TTC7A: variants seen among roughly 807,000 people sequenced by gnomAD.
TTC7A encodes the protein tetratricopeptide repeat protein 7A.
In TTC7A, 110 loss-of-function variants were observed where a neutral mutation model predicts 103.7. That is an observed-to-expected ratio of 1.06 (90% CI 0.91 to 1.24). TTC7A has a LOEUF of 1.24. Ranked by LOEUF, TTC7A falls within the 50% of genes most tolerant of loss-of-function variation. TTC7A has a pLI of 0.00. For missense variants in TTC7A, 1,340 were observed against 1,116.3 expected, an observed-to-expected ratio of 1.20 and a Z score of -2.86; for synonymous variants, 521 against 467.9, an observed-to-expected ratio of 1.11 and a Z score of -1.47.
chr2:46,998,946 G>A (rs1403303156), intron 8 of TTC7A, among the ~76,000 whole-genome samples: 1 of 152,162 alleles, frequency 6.6e-6, no homozygotes, highest in South Asian at 2.1e-4. Flanking sequence ...ACTGGTTGAA[G>A]ATGATTTCTG....
At chr2:47,005,531 C>G (rs1163653147) in intron 8 of TTC7A, among the ~76,000 whole-genome samples, 1 of 152,170 alleles carries the variant, frequency 6.6e-6, no homozygotes, top group African/African-American at 2.4e-5. Flanking sequence ...GACATGGCAC[C>G]TGAATACAAG....
At chr2:47,051,283 C>A (rs1054726448) in intron 17 of TTC7A, among the ~76,000 whole-genome samples, 5 of 152,128 alleles carry the variant, frequency 3.3e-5, no homozygotes, top group African/African-American at 4.8e-5. Context: ...AAAATGTGGT[C>A]CTATTCTTTT....
chr2:46,948,213 G>A (rs891827801), intron 1 of TTC7A, among the ~76,000 whole-genome samples: 53 of 152,180 alleles, frequency 3.5e-4, no homozygotes, highest in African/African-American at 1.2e-3. Flanking sequence ...TGAGGGGTGT[G>A]TTTCCCTCTT....
At chr2:46,962,621 G>T (rs1305861317) in intron 3 of TTC7A, among the ~76,000 whole-genome samples, 1 of 152,234 alleles carries the variant, frequency 6.6e-6, no homozygotes, top group Non-Finnish European at 1.5e-5. Context: ...CAGAGTGGCT[G>T]GTCTGCTGCT....
intron 11 of TTC7A, among the ~76,000 whole-genome samples, chr2:47,019,504 G>T (rs1679049234): frequency 6.6e-6 from 1 of 152,172 alleles, no homozygotes. Flanking sequence ...AAACTACGTG[G>T]ACAATGCTGG....
At chr2:47,009,194 C>T (rs888627383) in intron 10 of TTC7A, among the ~76,000 whole-genome samples, 2 of 152,084 alleles carry the variant, frequency 1.3e-5, no homozygotes, top group Non-Finnish European at 2.9e-5. Flanking sequence ...GCCTTCAAGC[C>T]CCTCAGGCAC....
intron 19 of TTC7A, 116 bp from the exon 20 acceptor site, chr2:47,073,586 G>A (rs765343313): frequency 1.4e-4 from 121 of 857,608 alleles, no homozygotes; most frequent in South Asian, 8.6e-4. Context: ...CCAGAGACGC[G>A]GGAATCCTCT....
chr2:46,978,155 C>G (rs1297947589), intron 4 of TTC7A: 1 of 152,574 alleles, frequency 6.6e-6, no homozygotes, highest in African/African-American at 2.4e-5. Context: ...GAAGCGGTCT[C>G]TCTACCATGT....
rs150578101 is a variant in TTC7A at position 46,994,391 on chromosome 2, A to G, written c.878A>G (p.His293Arg). Residue 293 changes from histidine to arginine, a missense_variant, in exon 7 of 20, where the codon CAC becomes CGC. Physicochemically the swap from His to Arg is conservative, Grantham distance 29. Transcript: ENST00000319190. ...AAKHLAGVLL[H>R]SLSEECYWSP... ...AAGCACCTGGCGGGGGTCCTGCTGC[A>G]CTCCCTGAGTGAGGAGTGCTACTGG... is the stretch of plus-strand genomic sequence containing the variant. The G allele has an allele frequency of 3.3e-5, 53 of 1,613,350 alleles. No individual in the cohort carries two copies. The highest frequency in any genetic ancestry group is 1.6e-4 in the Middle Eastern group (1 of 6,074).
intron 3 of TTC7A, among the ~76,000 whole-genome samples, chr2:46,960,653 A>T (rs1672291262): frequency 6.6e-6 from 1 of 152,324 alleles, no homozygotes. Context: ...TTTAATAAAT[A>T]TTTGTTGACT....
At chr2:46,981,577 T>C (rs1334571115) in intron 5 of TTC7A, among the ~76,000 whole-genome samples, 2 of 152,178 alleles carry the variant, frequency 1.3e-5, no homozygotes, top group Admixed American at 1.3e-4. Context: ...AAACAATGGA[T>C]TGAAGACCTC....
At chr2:46,994,687 T>TG (rs1473929906) in intron 7 of TTC7A, among the ~76,000 whole-genome samples, 173 bp downstream of exon 7, 1 of 152,172 alleles carries the variant, frequency 6.6e-6, no homozygotes, top group Non-Finnish European at 1.5e-5. Flanking sequence ...AGGCAGGTGT[T>TG]GGGGTCCAGG....
intron 5 of TTC7A, among the ~76,000 whole-genome samples, chr2:46,979,777 G>A (rs1426640481): frequency 3.9e-5 from 6 of 152,228 alleles, no homozygotes; most frequent in Non-Finnish European, 7.3e-5. Context: ...GGCGGGAGCT[G>A]AGGTTTCCTG....
intron 12 of TTC7A, among the ~76,000 whole-genome samples, chr2:47,022,217 C>G (rs560815271): frequency 5.3e-5 from 8 of 152,286 alleles, no homozygotes; most frequent in Admixed American, 2.6e-4. Flanking sequence ...GCATGCCTTC[C>G]TCTCCCCTCT....
At chr2:46,989,318 T>G (rs1675362229) in intron 5 of TTC7A, among the ~76,000 whole-genome samples, 1 of 152,244 alleles carries the variant, frequency 6.6e-6, no homozygotes, top group Non-Finnish European at 1.5e-5. Flanking sequence ...TTGTTAAAAG[T>G]GGGCAGCTTT....
At chr2:46,987,020 C>G (rs578153193) in intron 5 of TTC7A, among the ~76,000 whole-genome samples, 1 of 152,318 alleles carries the variant, frequency 6.6e-6, no homozygotes, top group Admixed American at 6.5e-5. Flanking sequence ...GCTGATTCCC[C>G]CAGATGGCTC....
intron 19 of TTC7A, among the ~76,000 whole-genome samples, chr2:47,072,540 G>T (rs79724269): frequency 6.6e-6 from 1 of 152,248 alleles, no homozygotes; most frequent in African/African-American, 2.4e-5. Flanking sequence ...CTAACTCTGG[G>T]GAGCTCGCTG....
At position 47,007,266 on chromosome 2, in the gene TTC7A, C is replaced by A. The variant is rs1467053313; in HGVS notation, c.1287+542C>A. ...GGGGACAGGGCCTGGCGGGACGCTGCCCGGAGCAAGGAGCACCGGGCATGA... is the reference window on the plus strand; with the variant it reads ...GGGGACAGGGCCTGGCGGGACGCTGACCGGAGCAAGGAGCACCGGGCATGA... On this transcript the variant is annotated intron_variant, in intron 10 of 19. Transcript: ENST00000319190. The surrounding 1 kb of genome is among the most constrained non-coding windows in gnomAD (Gnocchi z 4.9). Among the ~76,000 whole-genome samples the A allele has an allele frequency of 6.6e-6, 1 of 151,902 alleles. No homozygotes were observed. The highest frequency in any genetic ancestry group is 1.5e-5 in the Non-Finnish European group (1 of 67,962).
intron 3 of TTC7A, among the ~76,000 whole-genome samples, chr2:46,966,371 T>C (rs1672847619): frequency 6.6e-6 from 1 of 152,248 alleles, no homozygotes; most frequent in Non-Finnish European, 1.5e-5. Context: ...TCTGTGAACA[T>C]TTTGAGGTAT....
Sources: gnomAD v4.1 joint callset for allele counts (sites outside exome capture counted in the v4.1 genomes callset) on GRCh38, gnomAD v4.1.1 for gene constraint, Gnocchi (gnomAD v3.1) non-coding constraint, MANE v1.5 for transcripts, NCBI Gene and HGNC (gene_info 2026-07-23, HGNC 2026-07-21) for gene names.